The following TSPEAR variants were observed in gnomAD, a reference collection of about 807,000 sequenced individuals.
TSPEAR encodes thrombospondin-type laminin G domain and EAR repeat-containing protein.
Under a neutral mutation model 71.6 loss-of-function variants are expected in TSPEAR, and 69 were observed. The observed-to-expected ratio is 0.96, with a 90% CI of 0.79 to 1.18. The LOEUF (loss-of-function observed/expected upper bound fraction) is 1.18, where lower values mean the gene tolerates loss of function less well. Ranked by LOEUF, TSPEAR falls within the 50% of genes most tolerant of loss-of-function variation. TSPEAR has a pLI of 0.00. For missense variants in TSPEAR, 971 were observed against 894.9 expected (o/e 1.09, Z -1.09); for synonymous variants, 402 against 387.2 (o/e 1.04, Z -0.45).
intron 1 of TSPEAR, chr21:44,574,760 G>A: frequency 6.2e-7 from 1 of 1,613,660 alleles, no homozygotes; most frequent in African/African-American, 1.3e-5. Flanking sequence ...TTTGCTCTGG[G>A]GCTTCCTCTT....
rs782279072 is a variant in TSPEAR, at chr21:44,574,243, A to T, written c.83-6238T>A. 17 of 1,604,536 alleles carry T rather than the reference A, an allele frequency of 1.1e-5. No homozygotes were observed. The South Asian group carries it at 1.7e-4, about 16-fold the overall frequency. ...GCCTGCTGTGTGCCCATCTGCTGCA[A>T]GCCTGTCTGCTCTGGGATTTCCTCT... is the stretch of plus-strand genomic sequence containing the variant. On this transcript the variant is annotated intron_variant, in intron 1 of 11. Coordinates refer to ENST00000323084, the MANE Select transcript of TSPEAR (RefSeq NM_144991.3).
rs782461464 is a variant in TSPEAR, at chr21:44,550,711, C to A, written c.304-16788G>T. On this transcript the variant is annotated intron_variant, in intron 2 of 11. Transcript: ENST00000323084. Reference sequence around the variant, plus strand: ...GGCCATCAGCAGCTAGACTTTTGGCCTGAGGAAAAGCTGCAGGAGGCTGGG... The same window carrying A: ...GGCCATCAGCAGCTAGACTTTTGGCATGAGGAAAAGCTGCAGGAGGCTGGG... 2 of 1,613,966 alleles carry A rather than the reference C, an allele frequency of 1.2e-6. No homozygotes were observed. The highest frequency in any genetic ancestry group is 1.1e-5 in the South Asian group (1 of 91,078).
In TSPEAR at chr21:44,539,970, C is replaced by T. The variant is rs1319332467; in HGVS notation, c.304-6047G>A. ...GATTGGCAGGGGCTGGGCTCACAGG[C>T]TGCCTGGCAGCAGGGGCTGGACACA... On this transcript the variant is annotated intron_variant, in intron 2 of 11. Transcript: ENST00000323084. The T allele has an allele frequency of 2.0e-5, 33 of 1,613,394 alleles. No individual in the cohort carries two copies. In the African/African-American group the frequency reaches 3.9e-4, roughly 19 times the overall value.
rs782768626 is a variant in TSPEAR, at chr21:44,529,962, G to A, written c.634-8C>T. On this transcript the variant is annotated splice_region_variant and splice_polypyrimidine_tract_variant and intron_variant, in intron 4 of 11. Coordinates refer to ENST00000323084, the MANE Select transcript of TSPEAR (RefSeq NM_144991.3). The stretch of plus-strand genomic sequence containing the variant: ...CAGTTGCCTCACCAGTCCCTGCAGA[G>A]AGAGGGACAGCTCCTTCAGGCCCGC... 3.2e-6 allele frequency: 5 copies of A among 1,583,436 alleles called. No homozygotes were observed. Among genetic ancestry groups the A allele is most frequent in the African/African-American group, 1.3e-5 (1 of 74,380 alleles).
chr21:44,592,480 G>A, intron 1 of TSPEAR: 1 of 1,608,338 alleles, frequency 6.2e-7, no homozygotes, highest in Non-Finnish European at 8.5e-7. Flanking sequence ...GGTGGACGCG[G>A]CCATGCTGGG....
chr21:44,557,883 T>C, intron 2 of TSPEAR: 1 of 772,354 alleles, frequency 1.3e-6, no homozygotes, highest in Non-Finnish European at 2.1e-6. Flanking sequence ...GAGATGAGGG[T>C]GTGGGAGAGA....
chr21:44,696,018 C>T (rs189841132), intron 1 of TSPEAR, among the ~76,000 whole-genome samples: 1 of 152,288 alleles, frequency 6.6e-6, no homozygotes, highest in Non-Finnish European at 1.5e-5. Context: ...ATGTCTTCTT[C>T]TCAAAATTAA....
intron 1 of TSPEAR, among the ~76,000 whole-genome samples, chr21:44,703,085 C>T (rs1045158033): frequency 1.3e-5 from 2 of 152,226 alleles, no homozygotes; most frequent in Admixed American, 1.3e-4. Flanking sequence ...CCCTTCTCCT[C>T]CAAGCCATTG....
At chr21:44,702,813 C>T (rs1987722560) in intron 1 of TSPEAR, 1 of 1,157,954 alleles carries the variant, frequency 8.6e-7, no homozygotes, top group African/African-American at 1.5e-5. Flanking sequence ...GGGCACGTCC[C>T]CCAGGGCCAG....
chr21:44,607,570 G>A (rs762016128), intron 1 of TSPEAR, among the ~76,000 whole-genome samples: 32 of 152,256 alleles, frequency 2.1e-4, no homozygotes, highest in Non-Finnish European at 4.3e-4. Context: ...TTCGGGAACG[G>A]GGTAAAAATG....
At chr21:44,502,372 G>A (rs1223020359) in intron 11 of TSPEAR, among the ~76,000 whole-genome samples, 3 of 152,180 alleles carry the variant, frequency 2.0e-5, no homozygotes, top group African/African-American at 7.2e-5. Flanking sequence ...ATTCTCAGAG[G>A]TAATTACATT....
intron 1 of TSPEAR, among the ~76,000 whole-genome samples, chr21:44,586,291 A>C (rs1240221950): frequency 1.3e-5 from 2 of 152,240 alleles, no homozygotes; most frequent in Non-Finnish European, 2.9e-5. Flanking sequence ...CAGTCAAGAA[A>C]ACCCGATCTT....
At chr21:44,676,019 A>G (rs996703109) in intron 1 of TSPEAR, 59 of 846,898 alleles carry the variant, frequency 7.0e-5, no homozygotes, top group Admixed American at 2.2e-4. Flanking sequence ...CTGATTGACA[A>G]ATTTTGCTAC....
intron 2 of TSPEAR, among the ~76,000 whole-genome samples, chr21:44,549,157 TTTAGGGGAA>T (rs2053355181): frequency 6.6e-6 from 1 of 152,022 alleles, no homozygotes; most frequent in Non-Finnish European, 1.5e-5. Context: ...TGGCTAAACA[TTTAGGGGAA>T]GGGGTCGTCT....
chr21:44,514,589 C>G (rs2052499530), intron 9 of TSPEAR, among the ~76,000 whole-genome samples: 1 of 152,212 alleles, frequency 6.6e-6, no homozygotes, highest in South Asian at 2.1e-4. Context: ...AGCAAACTCA[C>G]TTAGAAGCCA....
intron 1 of TSPEAR, chr21:44,678,054 G>C: frequency 1.4e-6 from 1 of 714,650 alleles, no homozygotes; most frequent in Non-Finnish European, 2.5e-6. Flanking sequence ...GGGCCACAGC[G>C]GTCACACTCG....
At chr21:44,575,509 T>C (rs1555923842) in intron 1 of TSPEAR, 1 of 166,838 alleles carries the variant, frequency 6.0e-6, no homozygotes, top group African/African-American at 2.4e-5. Context: ...GGGTCCAGGC[T>C]AGACGGACAT....
chr21:44,689,458 T>C (rs1271788278), intron 1 of TSPEAR, among the ~76,000 whole-genome samples: 9 of 149,730 alleles, frequency 6.0e-5, no homozygotes, highest in East Asian at 2.0e-4. Flanking sequence ...GCTGAGATCA[T>C]GCCACTGCAC....
intron 1 of TSPEAR, 133 bp from the exon 2 acceptor site, chr21:44,568,138 C>A: frequency 1.8e-6 from 1 of 540,582 alleles, no homozygotes; most frequent in Non-Finnish European, 2.9e-6. Flanking sequence ...AGCTGTGAAC[C>A]AAGGTTATCT....
Sources: gnomAD v4.1 joint callset for allele counts (sites outside exome capture counted in the v4.1 genomes callset) on GRCh38, gnomAD v4.1.1 for gene constraint, MANE v1.5 for transcripts, NCBI Gene and HGNC (gene_info 2026-07-23, HGNC 2026-07-21) for gene names.